SOS1: variants seen among roughly 807,000 people sequenced by gnomAD.
The protein encoded by SOS1 is SOS Ras/Rac guanine nucleotide exchange factor 1.
A neutral mutation model predicts 157.6 loss-of-function variants in SOS1; 25 were observed. That is an observed-to-expected ratio of 0.16 (90% CI 0.12 to 0.22). The LOEUF (loss-of-function observed/expected upper bound fraction) is 0.22. Among genes scored for constraint, SOS1 ranks in the 10% least tolerant of loss-of-function variants. The pLI, the probability that SOS1 is intolerant of heterozygous loss-of-function variation, is 1.00. For missense variants in SOS1, 1,237 were observed against 1,599.1 expected (o/e 0.77, Z 3.86); for synonymous variants, 528 against 534.0 (o/e 0.99, Z 0.16).
chr2:39,114,326 G>A (rs1260887603), intron 1 of SOS1, among the ~76,000 whole-genome samples: 2 of 147,342 alleles, frequency 1.4e-5, no homozygotes, highest in East Asian at 2.0e-4. Flanking sequence ...TTTCTGAGAT[G>A]GAGTTTCACT....
rs730881025 is a variant in SOS1, at chr2:38,986,206, G to A, written c.3620C>T (p.Pro1207Leu). The stretch of plus-strand genomic sequence containing the variant: ...TGGTAATAAGGGAGGGCTTTCAGGA[G>A]GGTCTGAGATAGAGGTCCGGTCTGA... ...SISDRTSISDPPESPPLLPPR... is the reference protein window; with the variant it reads ...SISDRTSISDLPESPPLLPPR... Residue 1207 changes from proline to leucine, a missense_variant, in exon 23 of 23, where the codon CCT becomes CTT. Pro to Leu is a moderately conservative substitution (Grantham distance 98). Around this residue, in one of 15 missense-constraint regions of SOS1, gnomAD observed 306 missense variants for 322.6 expected, o/e 0.95. Transcript: ENST00000402219. 6.2e-7 allele frequency: 1 copy of A among 1,614,000 alleles called. No individual in the cohort carries two copies.
intron 1 of SOS1, among the ~76,000 whole-genome samples, chr2:39,085,026 T>C (rs1444792041): frequency 6.6e-6 from 1 of 152,170 alleles, no homozygotes; most frequent in Non-Finnish European, 1.5e-5. Context: ...TGTTCCCATC[T>C]ATCCTATCCT....
At chr2:39,003,363 G>C (rs945096465) in intron 17 of SOS1, among the ~76,000 whole-genome samples, 13 of 152,072 alleles carry the variant, frequency 8.5e-5, no homozygotes, top group African/African-American at 3.1e-4. Flanking sequence ...ATCTAATCAA[G>C]CAAGTAGTAA....
At chr2:39,019,744 AAATAAT>A (rs1420440549) in intron 10 of SOS1, among the ~76,000 whole-genome samples, 1 of 151,724 alleles carries the variant, frequency 6.6e-6, no homozygotes. Context: ...AAAAAAATAA[AAATAAT>A]AATAATGACC....
At position 39,038,732 on chromosome 2, in the gene SOS1, CAAAA is replaced by C. The variant is rs534107281; in HGVS notation, c.865-3236_865-3233del. ...CTGGCAACAAAATGAGACTCCGTCT[CAAAA>C]AAAAAAAAAAAAGTCGTTTCTTGAG... is the stretch of plus-strand genomic sequence containing the variant. On this transcript the variant is annotated intron_variant, in intron 6 of 22. Transcript: ENST00000402219. Among the ~76,000 whole-genome samples, 2 of 18,228 alleles carry C rather than the reference CAAAA, an allele frequency of 1.1e-4. 1 individual carries two copies. Among genetic ancestry groups the C allele is most frequent in the East Asian group, 2.7e-3 (2 of 742 alleles). The allele number at this position is 18,228 out of a possible 152,430, so 12.0% of individuals were successfully genotyped here. A position where few individuals can be genotyped will look rare whatever the true frequency, so the allele number is the denominator to read the frequency against.
chr2:39,105,081 C>A (rs1673114951), intron 1 of SOS1, among the ~76,000 whole-genome samples: 1 of 152,038 alleles, frequency 6.6e-6, no homozygotes, highest in Non-Finnish European at 1.5e-5. Flanking sequence ...TCAGCCCTAG[C>A]AAAGCTCTTA....
At chr2:39,118,427 C>T (rs1158364218) in intron 1 of SOS1, among the ~76,000 whole-genome samples, 1 of 152,192 alleles carries the variant, frequency 6.6e-6, no homozygotes, top group Non-Finnish European at 1.5e-5. Context: ...TATTTTCAAT[C>T]TTGTTTAGAA....
chr2:38,997,582 AGAAAGTATCT>A (rs1668938532), intron 17 of SOS1, among the ~76,000 whole-genome samples, 157 bp from the exon 18 acceptor site: 1 of 148,208 alleles, frequency 6.7e-6, no homozygotes, highest in Non-Finnish European at 1.5e-5. Context: ...GCAGCTTAAG[AGAAAGTATCT>A]GTGAAAGACT....
chr2:39,007,217 T>C (rs772658666), intron 15 of SOS1, 24 bp from the exon 16 acceptor site: 4 of 1,447,868 alleles, frequency 2.8e-6, no homozygotes, highest in Non-Finnish European at 3.9e-6. Flanking sequence ...AAAAGTGAAC[T>C]AAAGGTTTTA....
chr2:38,988,873 G>A (rs1370812649), intron 21 of SOS1, among the ~76,000 whole-genome samples: 3 of 150,524 alleles, frequency 2.0e-5, no homozygotes, highest in African/African-American at 7.3e-5. Flanking sequence ...CTGCCATCAG[G>A]CTAAGTATAT....
At chr2:39,082,294 G>C (rs1473940862) in intron 1 of SOS1, among the ~76,000 whole-genome samples, 1 of 152,084 alleles carries the variant, frequency 6.6e-6, no homozygotes, top group South Asian at 2.1e-4. Flanking sequence ...TTTGTTTTTA[G>C]ATGGGTTCAC....
intron 10 of SOS1, among the ~76,000 whole-genome samples, chr2:39,017,871 A>ACAC (rs1344752295): frequency 6.6e-6 from 1 of 151,966 alleles, no homozygotes; most frequent in Non-Finnish European, 1.5e-5. Context: ...ACTGTAACAC[A>ACAC]CACCATGTCG....
At chr2:39,013,339 T>C in intron 13 of SOS1, 121 bp downstream of exon 13, 3 of 713,434 alleles carry the variant, frequency 4.2e-6, no homozygotes, top group Admixed American at 2.4e-5. Context: ...CTTTTTGAAA[T>C]GGTTATGCTG....
intron 2 of SOS1, among the ~76,000 whole-genome samples, chr2:39,060,071 G>A (rs1407501708): frequency 6.6e-6 from 1 of 152,116 alleles, no homozygotes; most frequent in Non-Finnish European, 1.5e-5. Flanking sequence ...AGGGAGAGAA[G>A]GGAACATCCA....
chr2:39,088,015 T>C (rs757388818), intron 1 of SOS1, among the ~76,000 whole-genome samples: 2 of 150,744 alleles, frequency 1.3e-5, no homozygotes, highest in Non-Finnish European at 2.9e-5. Flanking sequence ...TAATTATTAG[T>C]AGTCATTATT....
chr2:39,040,018 T>G (rs1670506470), intron 6 of SOS1, among the ~76,000 whole-genome samples: 1 of 152,098 alleles, frequency 6.6e-6, no homozygotes, highest in Non-Finnish European at 1.5e-5. Context: ...TTTTTTTATT[T>G]TTTATTTTTT....
rs1287837216 is a variant in SOS1, at chr2:39,007,148, C to T, written c.2556G>A (p.Val852=). The T allele has an allele frequency of 1.2e-6, 2 of 1,605,884 alleles. No homozygotes were observed. Among genetic ancestry groups the T allele is most frequent in the African/African-American group, 1.3e-5 (1 of 74,744 alleles). ...CTTGTAGAATCTCAATAATTCGACTCACCACAGCTACTCTTTCTTCTAAAT... is the reference window on the plus strand; with the variant it reads ...CTTGTAGAATCTCAATAATTCGACTTACCACAGCTACTCTTTCTTCTAAAT... ...TENLEERVAV[V]SRIIEILQVF... The change falls in exon 16 of 23, where the codon GTG becomes GTA. Residue 852 remains valine (V), a synonymous_variant. Coordinates refer to ENST00000402219, the MANE Select transcript of SOS1 (RefSeq NM_005633.4).
chr2:39,100,237 C>A (rs1405869283), intron 1 of SOS1, among the ~76,000 whole-genome samples: 2 of 152,100 alleles, frequency 1.3e-5, no homozygotes, highest in Non-Finnish European at 2.9e-5. Flanking sequence ...ATTGGCACAG[C>A]CATTATGGAA....
intron 6 of SOS1, among the ~76,000 whole-genome samples, chr2:39,045,117 T>A (rs1160656457): frequency 1.3e-5 from 2 of 152,162 alleles, no homozygotes; most frequent in African/African-American, 2.4e-5. Context: ...CAACATTATG[T>A]TAGTACAGAT....
Sources: allele counts gnomAD v4.1 joint callset (sites outside exome capture counted in the v4.1 genomes callset), GRCh38; gene constraint gnomAD v4.1.1; regional missense constraint gnomAD v4.1.1; transcripts MANE v1.5; gene names NCBI Gene and HGNC (gene_info 2026-07-23, HGNC 2026-07-21).